The following ANAPC1 variants were observed in gnomAD, a reference collection of about 807,000 sequenced individuals.
ANAPC1 encodes anaphase promoting complex subunit 1, also known as anaphase-promoting complex subunit 1.
A neutral mutation model predicts 208.0 loss-of-function variants in ANAPC1; 36 were observed. The ratio of observed to expected loss-of-function variants is 0.17; its 90% confidence interval spans 0.13 to 0.23. ANAPC1 has a LOEUF of 0.23. Among genes scored for constraint, ANAPC1 ranks in the 10% least tolerant of loss-of-function variants. The pLI is 1.00. For synonymous variants in ANAPC1, 378 were observed against 695.2 expected (o/e 0.54, Z 7.18); for missense variants, 942 against 2,011.6 (o/e 0.47, Z 10.17).
At chr2:111,775,819 C>T (rs1470749315) in intron 46 of ANAPC1, among the ~76,000 whole-genome samples, 1 of 144,328 alleles carries the variant, frequency 6.9e-6, no homozygotes, top group African/African-American at 2.4e-5. Context: ...ACACGAAAAC[C>T]TTTGAAATAA....
intron 10 of ANAPC1, among the ~76,000 whole-genome samples, chr2:111,860,011 C>T (rs867767914): frequency 7.9e-5 from 12 of 152,112 alleles, no homozygotes; most frequent in Admixed American, 4.6e-4. Flanking sequence ...TTAGAAAATA[C>T]TGGGGGCCAG....
At chr2:111,849,938 G>A (rs1026609288) in intron 14 of ANAPC1, among the ~76,000 whole-genome samples, 1 of 151,526 alleles carries the variant, frequency 6.6e-6, no homozygotes, top group African/African-American at 2.4e-5. Flanking sequence ...GCCTTTAAGA[G>A]CACATTAGTA....
chr2:111,782,328 T>C (rs766395552), intron 43 of ANAPC1, 41 bp downstream of exon 43: 2 of 1,612,766 alleles, frequency 1.2e-6, no homozygotes, highest in Non-Finnish European at 8.5e-7. Flanking sequence ...GCCGGCAATT[T>C]AGAATTATTT....
At chr2:111,787,123 T>C (rs1677598510) in intron 39 of ANAPC1, among the ~76,000 whole-genome samples, 1 of 140,552 alleles carries the variant, frequency 7.1e-6, no homozygotes, top group Non-Finnish European at 1.5e-5. Flanking sequence ...CACTTCAGCC[T>C]GGGCGACAGA....
At chr2:111,797,436 A>T (rs1386318103) in intron 34 of ANAPC1, among the ~76,000 whole-genome samples, 2 of 150,740 alleles carry the variant, frequency 1.3e-5, no homozygotes, top group Non-Finnish European at 3.0e-5. Flanking sequence ...CTTTCAAAAA[A>T]ACTAAAATCT....
rs896239864 is a variant in ANAPC1 at position 111,858,381 on chromosome 2, G to C, written c.1283C>G (p.Ser428Ter). ...TAGGTCAGATGTAATAAACACTTTT[G>C]AGGCTTGTGAATTTTTCTCTCTATA... ...TNIREKNSQA[S>*]KVFITSDLCG... Residue 428 changes from serine to a stop codon, truncating the protein, a stop_gained, in exon 11 of 48, where the codon TCA becomes TGA. Transcript: ENST00000341068. LOFTEE classifies it high-confidence loss of function. The C allele has an allele frequency of 6.2e-7, 1 of 1,613,260 alleles. No individual in the cohort carries two copies. The highest frequency in any genetic ancestry group is 8.5e-7 in the Non-Finnish European group (1 of 1,179,560).
intron 3 of ANAPC1, among the ~76,000 whole-genome samples, chr2:111,876,331 C>T (rs185300656): frequency 2.0e-4 from 30 of 152,048 alleles, no homozygotes; most frequent in African/African-American, 6.7e-4. Context: ...GTCACATATA[C>T]CTGATATTAT....
At chr2:111,816,258 C>A (rs1187688067) in intron 27 of ANAPC1, among the ~76,000 whole-genome samples, 2 of 146,892 alleles carry the variant, frequency 1.4e-5, no homozygotes, top group Admixed American at 6.7e-5. Flanking sequence ...ACAGAGACTG[C>A]ATCTCAAAAA....
chr2:111,783,289 A>G (rs563277337), intron 42 of ANAPC1, among the ~76,000 whole-genome samples: 448 of 152,284 alleles, frequency 2.9e-3, no homozygotes, highest in African/African-American at 0.01. Flanking sequence ...TAATCCCCAC[A>G]TGTCAGGAGA....
intron 29 of ANAPC1, among the ~76,000 whole-genome samples, chr2:111,806,796 C>T (rs372115200): frequency 1.3e-5 from 2 of 152,140 alleles, no homozygotes; most frequent in East Asian, 1.9e-4. Flanking sequence ...TCTAACACTA[C>T]CGTGTTGAAA....
chr2:111,793,436 G>A (rs1449582118), intron 37 of ANAPC1, among the ~76,000 whole-genome samples: 1 of 151,838 alleles, frequency 6.6e-6, no homozygotes, highest in African/African-American at 2.4e-5. Context: ...TGTTGCCCAG[G>A]CTGATCTCAA....
intron 16 of ANAPC1, among the ~76,000 whole-genome samples, chr2:111,846,014 G>C (rs1409524874): frequency 1.3e-5 from 2 of 150,418 alleles, no homozygotes; most frequent in Non-Finnish European, 1.5e-5. Context: ...TAGAAGGCAA[G>C]GAATCTCTAT....
chr2:111,797,089 T>C (rs1370126743), intron 34 of ANAPC1, among the ~76,000 whole-genome samples: 1 of 151,250 alleles, frequency 6.6e-6, no homozygotes, highest in Non-Finnish European at 1.5e-5. Context: ...TCTCGAACTC[T>C]GACCTCGAGT....
At chr2:111,863,468 C>T (rs189355476) in intron 9 of ANAPC1, among the ~76,000 whole-genome samples, 10 of 146,244 alleles carry the variant, frequency 6.8e-5, no homozygotes, top group Non-Finnish European at 1.2e-4. Flanking sequence ...GTCAAGATTG[C>T]GCCACTGCAC....
rs1244263552 is a variant in ANAPC1 at position 111,850,766 on chromosome 2, C to T, written c.1650+10G>A. Reference sequence around the variant, plus strand: ...GTTAACTTTTTGGCAACACCTAGTCCTTTTCTTACCTCGTCCAATGATCCA... The same window carrying T: ...GTTAACTTTTTGGCAACACCTAGTCTTTTTCTTACCTCGTCCAATGATCCA... On this transcript the variant is annotated intron_variant, in intron 14 of 47. Transcript: ENST00000341068. 1.9e-6 allele frequency: 3 copies of T among 1,610,670 alleles called. No homozygotes were observed. The highest frequency in any genetic ancestry group is 2.7e-5 in the African/African-American group (2 of 74,732).
At chr2:111,831,712 G>A (rs1680143576) in intron 20 of ANAPC1, among the ~76,000 whole-genome samples, 2 of 150,070 alleles carry the variant, frequency 1.3e-5, no homozygotes, top group Admixed American at 6.7e-5. Flanking sequence ...CTAGTGGTGC[G>A]CACCCGTAGT....
At chr2:111,879,649 T>A (rs907388283) in intron 2 of ANAPC1, among the ~76,000 whole-genome samples, 13 of 151,990 alleles carry the variant, frequency 8.6e-5, no homozygotes, top group African/African-American at 2.9e-4. Context: ...GGCAGGTGGA[T>A]CACCTGAGGT....
At chr2:111,791,274 T>C (rs999980245) in intron 38 of ANAPC1, among the ~76,000 whole-genome samples, 2 of 149,418 alleles carry the variant, frequency 1.3e-5, no homozygotes, top group African/African-American at 5.0e-5. Context: ...CTAAAAAGAC[T>C]ATACCAATAA....
intron 24 of ANAPC1, among the ~76,000 whole-genome samples, chr2:111,823,534 G>C (rs965817267): frequency 5.3e-5 from 8 of 151,998 alleles, no homozygotes; most frequent in African/African-American, 1.9e-4. Flanking sequence ...GGGTGAGTCC[G>C]ATTGTCTATC....
Sources: gnomAD v4.1 joint callset for allele counts (sites outside exome capture counted in the v4.1 genomes callset) on GRCh38, gnomAD v4.1.1 for gene constraint, MANE v1.5 for transcripts, NCBI Gene and HGNC (gene_info 2026-07-23, HGNC 2026-07-21) for gene names.